SLX9: variants seen among roughly 807,000 people sequenced by gnomAD.
The protein encoded by SLX9 is ribosome biogenesis protein SLX9 homolog.
A neutral mutation model predicts 20.8 loss-of-function variants in SLX9; 19 were observed. The ratio of observed to expected loss-of-function variants is 0.91; its 90% CI spans 0.64 to 1.34. SLX9 has a LOEUF of 1.34. SLX9 is among the 40% of genes most tolerant of loss of function. The probability of loss-of-function intolerance (pLI) is 0.00; values close to 1 mark genes in which losing one functional copy is unlikely to be tolerated. For synonymous variants in SLX9, 113 were observed against 137.1 expected, an observed-to-expected ratio of 0.82 and a Z score of 1.23; for missense variants, 299 against 322.2, an observed-to-expected ratio of 0.93 and a Z score of 0.55.
At chr21:44,976,641 G>A in intron 5 of SLX9, 39 bp from the exon 6 acceptor site, 2 of 1,563,558 alleles carry the variant, frequency 1.3e-6, no homozygotes, top group Non-Finnish European at 1.7e-6. Context: ...AGGGGTCCGG[G>A]GGTTCCTGCC....
At chr21:44,971,172 G>A (rs188939379) in intron 4 of SLX9, among the ~76,000 whole-genome samples, 121 of 152,382 alleles carry the variant, frequency 7.9e-4, no homozygotes, top group African/African-American at 2.9e-3. Flanking sequence ...GGTGATTGTC[G>A]GGAGGGGAGT....
At chr21:44,969,176 G>A (rs923559414) in intron 4 of SLX9, 18 of 470,568 alleles carry the variant, frequency 3.8e-5, no homozygotes, top group Middle Eastern at 3.5e-4. Context: ...GCCCAGGCTC[G>A]AGGGTGGCAG....
At chr21:44,972,932 G>A in intron 4 of SLX9, 3 of 37,298 alleles carry the variant, frequency 8.0e-5, no homozygotes, top group Non-Finnish European at 9.1e-5. Flanking sequence ...TCCACACGGA[G>A]CAGCTTGGGG....
intron 1 of SLX9, among the ~76,000 whole-genome samples, chr21:44,942,026 TCTAC>T (rs1158465868): frequency 6.6e-6 from 1 of 152,226 alleles, no homozygotes; most frequent in Non-Finnish European, 1.5e-5. Flanking sequence ...GACATCTCTC[TCTAC>T]TAGCAGGAGA....
At chr21:44,956,317 TGTA>T (rs2084857126) in intron 2 of SLX9, among the ~76,000 whole-genome samples, 1 of 152,196 alleles carries the variant, frequency 6.6e-6, no homozygotes, top group Admixed American at 6.5e-5. Context: ...GCAGTGGTTT[TGTA>T]GTAGTGCCTT....
upstream of SLX9, chr21:44,939,783 C>T (rs2084504078): frequency 1.3e-5 from 7 of 551,096 alleles, no homozygotes; most frequent in South Asian, 1.2e-4. Flanking sequence ...GGACGCAACC[C>T]CGGGCTTGGG....
intron 2 of SLX9, among the ~76,000 whole-genome samples, chr21:44,953,759 GCATT>G (rs1047213583): frequency 5.9e-5 from 9 of 152,212 alleles, no homozygotes; most frequent in African/African-American, 2.2e-4. Flanking sequence ...TTGGCGCTCT[GCATT>G]CAGCGTCCCT....
chr21:44,945,519 CACTG>C (rs1481102795), intron 2 of SLX9, among the ~76,000 whole-genome samples: 4 of 152,194 alleles, frequency 2.6e-5, no homozygotes, highest in African/African-American at 9.7e-5. Context: ...TCACCTGCTG[CACTG>C]ACTGTCACGT....
At chr21:44,969,824 G>A (rs1021655716) in intron 4 of SLX9, among the ~76,000 whole-genome samples, 3 of 152,302 alleles carry the variant, frequency 2.0e-5, no homozygotes, top group Non-Finnish European at 4.4e-5. Flanking sequence ...CTCAGGATCC[G>A]TACAGGATCC....
At chr21:44,972,289 T>C (rs2123460552) in intron 4 of SLX9, among the ~76,000 whole-genome samples, 1 of 152,200 alleles carries the variant, frequency 6.6e-6, no homozygotes, top group African/African-American at 2.4e-5. Flanking sequence ...TTCGGCCAGG[T>C]GGGCGGCTGC....
chr21:44,945,571 C>G (rs919132735), intron 2 of SLX9, among the ~76,000 whole-genome samples: 3 of 152,260 alleles, frequency 2.0e-5, no homozygotes, highest in African/African-American at 7.2e-5. Context: ...ACGTCACGCT[C>G]ACGACCCGTC....
chr21:44,959,729 G>C (rs971569522), intron 2 of SLX9, among the ~76,000 whole-genome samples: 1 of 152,244 alleles, frequency 6.6e-6, no homozygotes, highest in East Asian at 1.9e-4. Flanking sequence ...TGTCCTGTTC[G>C]TGGCCCCCTT....
intron 3 of SLX9, among the ~76,000 whole-genome samples, chr21:44,964,774 T>C (rs1398541805): frequency 6.6e-6 from 1 of 152,246 alleles, no homozygotes; most frequent in African/African-American, 2.4e-5. Context: ...TTTGCCAGTC[T>C]ATGAGGTGCA....
At chr21:44,941,021 T>TTGAA (rs1555869884) in intron 1 of SLX9, among the ~76,000 whole-genome samples, 2 of 152,108 alleles carry the variant, frequency 1.3e-5, no homozygotes, top group African/African-American at 4.8e-5. Context: ...TTTGAACCTT[T>TTGAA]CCAGTGAAAT....
rs78457061 is a variant in SLX9, at chr21:44,973,776, G to A, written c.569+511G>A. ...GGTTCAGCGGCTGAGAGCCCCGCCC[G>A]TGCCTCTAGTCCCCTCCACGCTGCT... On this transcript the variant is annotated intron_variant, in intron 5 of 5. Coordinates refer to ENST00000291634, the MANE Select transcript of SLX9 (RefSeq NM_058190.4). Among the ~76,000 whole-genome samples the A allele has an allele frequency of 6.7e-3, 1,015 of 151,610 alleles. 16 individuals are homozygous for A. The highest frequency in any genetic ancestry group is 0.023 in the African/African-American group (957 of 41,356).
chr21:44,949,295 T>A (rs1220264008), intron 2 of SLX9, among the ~76,000 whole-genome samples: 36 of 151,382 alleles, frequency 2.4e-4, no homozygotes, highest in Admixed American at 2.4e-3. Context: ...GATCAGGGAG[T>A]GGATTGTGGG....
chr21:44,957,037 C>T (rs1182519587), intron 2 of SLX9, among the ~76,000 whole-genome samples: 1 of 152,248 alleles, frequency 6.6e-6, no homozygotes, highest in African/African-American at 2.4e-5. Context: ...TGCGCGGCAG[C>T]GTCTCACCTT....
intron 4 of SLX9, among the ~76,000 whole-genome samples, chr21:44,968,195 C>A (rs2085074945): frequency 6.6e-6 from 1 of 152,050 alleles, no homozygotes; most frequent in African/African-American, 2.4e-5. Flanking sequence ...AGTGACACAA[C>A]CCCGCCACCC....
intron 3 of SLX9, among the ~76,000 whole-genome samples, chr21:44,960,564 C>T (rs2084934532): frequency 6.6e-6 from 1 of 152,208 alleles, no homozygotes; most frequent in Non-Finnish European, 1.5e-5. Context: ...AACCTGTGCT[C>T]GTGGAGTTTT....
Sources: allele counts gnomAD v4.1 joint callset (sites outside exome capture counted in the v4.1 genomes callset), GRCh38; gene constraint gnomAD v4.1.1; transcripts MANE v1.5; gene names NCBI Gene and HGNC (gene_info 2026-07-23, HGNC 2026-07-21).